The following DAPK2 variants were observed in gnomAD, a reference collection of about 807,000 sequenced individuals.
DAPK2 encodes the protein death-associated protein kinase 2.
DAPK2 carries 35 observed loss-of-function variants against 44.1 expected under a neutral mutation model. The ratio of observed to expected loss-of-function variants is 0.79; its 90% CI spans 0.61 to 1.05. The LOEUF is 1.05. Among genes scored for constraint, DAPK2 ranks in the 50% least tolerant of loss-of-function variants. DAPK2 has a pLI of 0.00. For missense variants in DAPK2, 453 were observed against 483.2 expected (o/e 0.94, Z 0.59); for synonymous variants, 174 against 182.6 (o/e 0.95, Z 0.38).
At chr15:64,036,536 A>C (rs2080218108) in intron 1 of DAPK2, among the ~76,000 whole-genome samples, 1 of 151,032 alleles carries the variant, frequency 6.6e-6, no homozygotes, top group Non-Finnish European at 1.5e-5. Flanking sequence ...CACCATTCAG[A>C]CTTCTGGCAC....
intron 1 of DAPK2, among the ~76,000 whole-genome samples, chr15:63,992,637 C>G (rs953256259): frequency 6.6e-6 from 1 of 152,226 alleles, no homozygotes; most frequent in African/African-American, 2.4e-5. Context: ...CTCTCACCTT[C>G]ACTCCCTCCC....
rs531560851 is a variant in DAPK2 at position 64,020,950 on chromosome 15, G to A, written c.92+19220C>T. The stretch of plus-strand genomic sequence containing the variant: ...AAGTGCCTTGCCCAGGTGCATTAAC[G>A]TATTGGTAGCCAAAGTGGGATATGA... On this transcript the variant is annotated intron_variant, in intron 1 of 10. Transcript: ENST00000261891. This position sits in a 1 kb window ranked among gnomAD's most constrained non-coding sequence, Gnocchi z 4.5. Among the ~76,000 whole-genome samples the A allele has an allele frequency of 1.3e-5, 2 of 152,312 alleles. No homozygotes were observed. The highest frequency in any genetic ancestry group is 4.8e-5 in the African/African-American group (2 of 41,564).
chr15:64,009,499 G>A (rs1394336748), intron 1 of DAPK2, among the ~76,000 whole-genome samples: 1 of 152,012 alleles, frequency 6.6e-6, no homozygotes, highest in African/African-American at 2.4e-5. Context: ...TTGCCCAAAT[G>A]TACTCTGCTT....
intron 1 of DAPK2, among the ~76,000 whole-genome samples, chr15:64,036,296 T>C (rs2080183810): frequency 8.4e-6 from 1 of 118,682 alleles, no homozygotes; most frequent in African/African-American, 3.1e-5. Flanking sequence ...TGTGTGTGTG[T>C]GTGTGTGTGT....
chr15:64,038,222 T>G (rs2080260821), intron 1 of DAPK2, among the ~76,000 whole-genome samples: 1 of 152,200 alleles, frequency 6.6e-6, no homozygotes, highest in Admixed American at 6.5e-5. Flanking sequence ...TGTATGTAAC[T>G]GCCAGGGTGG....
intron 1 of DAPK2, among the ~76,000 whole-genome samples, chr15:64,005,014 G>A (rs2079188378): frequency 6.6e-6 from 1 of 152,190 alleles, no homozygotes; most frequent in Admixed American, 6.5e-5. Context: ...AAGTAAGGAT[G>A]AAAGGTGACT....
chr15:63,965,887 G>A (rs1342376740), intron 3 of DAPK2, among the ~76,000 whole-genome samples: 1 of 152,114 alleles, frequency 6.6e-6, no homozygotes, highest in African/African-American at 2.4e-5. Context: ...GTCCAGAAAT[G>A]CTGTCTAAGA....
Position 63,981,253 on chromosome 15 carries a change from C to T in DAPK2, c.314+2280G>A, listed in dbSNP as rs147528830. ...CACTCTGCCCCCTCACCGTGTGATG[C>T]ACTGGGCTGCCTTGGGGGACTCTGT... On this transcript the variant is annotated intron_variant, in intron 2 of 10. Transcript: ENST00000261891. 4.7e-3 allele frequency among the ~76,000 whole-genome samples: 716 copies of T among 152,246 alleles called. 4 individuals are homozygous for T. Among genetic ancestry groups the T allele is most frequent in the African/African-American group, 0.017 (693 of 41,530 alleles).
intron 7 of DAPK2, 44 bp from the exon 9 acceptor site, chr15:63,924,905 A>C: frequency 4.4e-6 from 7 of 1,607,838 alleles, no homozygotes; most frequent in Non-Finnish European, 6.0e-6. Context: ...TGAGGACAGA[A>C]GTTGGGAGCA....
At chr15:63,975,167 A>C (rs1322490746) in intron 2 of DAPK2, among the ~76,000 whole-genome samples, 1 of 152,162 alleles carries the variant, frequency 6.6e-6, no homozygotes, top group Non-Finnish European at 1.5e-5. Flanking sequence ...GCTGAAATAA[A>C]GCCATGGGCC....
chr15:63,922,214 TCA>T, intron 8 of DAPK2: 1 of 903,376 alleles, frequency 1.1e-6, no homozygotes, highest in Non-Finnish European at 1.3e-6. Flanking sequence ...AGGTCATTTG[TCA>T]GACATGAGTG....
intron 1 of DAPK2, among the ~76,000 whole-genome samples, chr15:64,024,386 T>C (rs1288295468): frequency 6.6e-6 from 1 of 152,122 alleles, no homozygotes; most frequent in Non-Finnish European, 1.5e-5. Context: ...AAAGCCTGGG[T>C]TGGGGAACAG....
At chr15:64,007,165 A>G (rs1186775829) in intron 1 of DAPK2, among the ~76,000 whole-genome samples, 1 of 151,612 alleles carries the variant, frequency 6.6e-6, no homozygotes, top group Non-Finnish European at 1.5e-5. Context: ...GGGTCTCACT[A>G]TGTCATCCTG....
rs1420745591 is a variant in DAPK2 at position 63,916,146 on chromosome 15, T to C, written c.859-3949A>G. ...AGGGAAGCAAGAAGACAGAAAACTG[T>C]GGGGTAGTCAAGTTTTGTTTATGCA... On this transcript the variant is annotated intron_variant, in intron 8 of 10. Coordinates refer to ENST00000261891, the Ensembl canonical transcript of DAPK2. This position sits in a 1 kb window ranked among gnomAD's most constrained non-coding sequence, Gnocchi z 4.7. The C allele has an allele frequency of 1.3e-5, 2 of 151,856 alleles. No homozygotes were observed. The highest frequency in any genetic ancestry group is 4.9e-5 in the African/African-American group (2 of 41,092). 9.4% of individuals were successfully genotyped at this position (151,856 alleles called of 1,614,324 possible).
At chr15:63,930,255 G>GT in intron 5 of DAPK2, 152 bp downstream of exon 6, 1 of 802,172 alleles carries the variant, frequency 1.2e-6, no homozygotes, top group Non-Finnish European at 2.1e-6. Context: ...CTGGCCACAG[G>GT]TCTAACACAT....
chr15:63,915,279 G>T (rs2078897736), intron 8 of DAPK2, among the ~76,000 whole-genome samples: 1 of 152,130 alleles, frequency 6.6e-6, no homozygotes, highest in Admixed American at 6.5e-5. Flanking sequence ...TTTTTTGTTA[G>T]TCCTCTCTCC....
intron 8 of DAPK2, chr15:63,924,364 T>G (rs1595713614): frequency 1.3e-5 from 2 of 156,676 alleles, no homozygotes; most frequent in Admixed American, 6.1e-5. Context: ...CCTGAGGAGG[T>G]GGGTGGCTGA....
At chr15:63,949,303 G>A (rs1405003243) in intron 3 of DAPK2, among the ~76,000 whole-genome samples, 2 of 152,220 alleles carry the variant, frequency 1.3e-5, no homozygotes, top group Admixed American at 1.3e-4. Context: ...TACCTGCTCT[G>A]TCTCTATACT....
chr15:63,999,250 A>C (rs2079023640), intron 1 of DAPK2, among the ~76,000 whole-genome samples: 1 of 152,176 alleles, frequency 6.6e-6, no homozygotes, highest in Non-Finnish European at 1.5e-5. Flanking sequence ...GAATGATCTG[A>C]CCAAGCTGGG....
Sources: allele counts gnomAD v4.1 joint callset (sites outside exome capture counted in the v4.1 genomes callset), GRCh38; gene constraint gnomAD v4.1.1; non-coding constraint Gnocchi (gnomAD v3.1); transcripts MANE v1.5; gene names NCBI Gene and HGNC (gene_info 2026-07-23, HGNC 2026-07-21).